Variants in PARD3B observed in about 807,000 individuals in gnomAD.
The protein encoded by PARD3B is par-3 family cell polarity regulator beta.
Under a neutral mutation model 130.2 loss-of-function variants are expected in PARD3B, and 103 were observed. The observed-to-expected ratio is 0.79, with a 90% CI of 0.67 to 0.93. PARD3B has a LOEUF of 0.93. Ranked by LOEUF, PARD3B falls within the 40% of genes least tolerant of loss-of-function variation. PARD3B has a pLI of 0.00. For missense variants in PARD3B, 1,609 were observed against 1,499.2 expected, an observed-to-expected ratio of 1.07 and a Z score of -1.21; for synonymous variants, 583 against 553.2, an observed-to-expected ratio of 1.05 and a Z score of -0.76.
intron 2 of PARD3B, among the ~76,000 whole-genome samples, chr2:204,955,978 A>T (rs1270602864): frequency 1.3e-5 from 2 of 152,114 alleles, no homozygotes; most frequent in African/African-American, 4.8e-5. Context: ...GAAGAACTTG[A>T]AGCTGGGCCA....
intron 4 of PARD3B, among the ~76,000 whole-genome samples, chr2:205,080,960 A>G (rs1701370422): frequency 6.6e-6 from 1 of 151,970 alleles, no homozygotes; most frequent in Non-Finnish European, 1.5e-5. Flanking sequence ...CCATAATTGT[A>G]TTGGATTTCA....
At chr2:205,237,138 C>T (rs1353963695) in intron 15 of PARD3B, among the ~76,000 whole-genome samples, 1 of 152,106 alleles carries the variant, frequency 6.6e-6, no homozygotes, top group Non-Finnish European at 1.5e-5. Flanking sequence ...TTGCCCTTGT[C>T]GTCCAGGCTA....
At chr2:205,412,369 T>C (rs925813396) in intron 19 of PARD3B, among the ~76,000 whole-genome samples, 1 of 152,186 alleles carries the variant, frequency 6.6e-6, no homozygotes, top group African/African-American at 2.4e-5. Flanking sequence ...CCCTCAACCA[T>C]ATTAAACAAC....
In PARD3B at chr2:205,358,612, T is replaced by C. The variant is rs561952897; in HGVS notation, c.2631-42401T>C. Among the ~76,000 whole-genome samples, 20 of 152,322 alleles carry C rather than the reference T, an allele frequency of 1.3e-4. No homozygotes were observed. In the South Asian group the frequency reaches 2.1e-3, roughly 16 times the overall value. ...TCTAAACATACGCTAACAATTCCTTTTATTGTCCTCTGCATTTTTCTCAAG... is the reference window on the plus strand; with the variant it reads ...TCTAAACATACGCTAACAATTCCTTCTATTGTCCTCTGCATTTTTCTCAAG... On this transcript the variant is annotated intron_variant, in intron 18 of 22. Coordinates refer to ENST00000406610, the MANE Select transcript of PARD3B (RefSeq NM_001302769.2).
chr2:204,929,783 T>G (rs1342785808), intron 2 of PARD3B, among the ~76,000 whole-genome samples: 1 of 152,002 alleles, frequency 6.6e-6, no homozygotes, highest in Non-Finnish European at 1.5e-5. Context: ...AAAAAAGTGT[T>G]GTTTTAGAAT....
intron 2 of PARD3B, among the ~76,000 whole-genome samples, chr2:204,753,443 A>G (rs1280996013): frequency 6.6e-6 from 1 of 152,146 alleles, no homozygotes; most frequent in Non-Finnish European, 1.5e-5. Flanking sequence ...TATAGTTACT[A>G]GAAAAAATTT....
At chr2:204,621,095 A>C (rs1446596630) in intron 1 of PARD3B, among the ~76,000 whole-genome samples, 1 of 152,146 alleles carries the variant, frequency 6.6e-6, no homozygotes, top group Admixed American at 6.5e-5. Flanking sequence ...AGGAATTCTA[A>C]CTTCAGTAGC....
chr2:205,457,870 C>T (rs541702619), intron 20 of PARD3B, among the ~76,000 whole-genome samples: 9 of 152,200 alleles, frequency 5.9e-5, no homozygotes, highest in African/African-American at 1.7e-4. Context: ...TGAGCACTGA[C>T]ATTATGTTCA....
At chr2:204,628,479 A>G (rs576253510) in intron 1 of PARD3B, among the ~76,000 whole-genome samples, 4 of 152,232 alleles carry the variant, frequency 2.6e-5, no homozygotes, top group African/African-American at 9.6e-5. Context: ...CTTTTCAATG[A>G]TTTTGAAATT....
intron 2 of PARD3B, among the ~76,000 whole-genome samples, chr2:204,747,939 G>T (rs913882556): frequency 2.0e-5 from 3 of 152,044 alleles, no homozygotes; most frequent in African/African-American, 7.2e-5. Flanking sequence ...CAAGCATGAA[G>T]AAACAAAAAT....
At chr2:204,946,952 A>G (rs1689377111) in intron 2 of PARD3B, among the ~76,000 whole-genome samples, 1 of 152,210 alleles carries the variant, frequency 6.6e-6, no homozygotes, top group South Asian at 2.1e-4. Context: ...GGCAGCAGAG[A>G]CAGATTCTTT....
rs188793989 is a variant in PARD3B, at chr2:205,247,348, A to G, written c.2185+1526A>G. Among the ~76,000 whole-genome samples the G allele has an allele frequency of 2.0e-3, 312 of 152,310 alleles. 2 individuals carry two copies. The highest frequency in any genetic ancestry group is 6.7e-3 in the African/African-American group (280 of 41,578). Reference sequence around the variant, plus strand: ...GCCATAACATTTTATGTAAATTTCAATGATCTGTCTTTACATAGTATGATA... The same window carrying G: ...GCCATAACATTTTATGTAAATTTCAGTGATCTGTCTTTACATAGTATGATA... On this transcript the variant is annotated intron_variant, in intron 16 of 22. Coordinates refer to ENST00000406610, the MANE Select transcript of PARD3B (RefSeq NM_001302769.2).
chr2:205,144,061 G>A (rs1471086424), intron 10 of PARD3B, among the ~76,000 whole-genome samples: 1 of 152,188 alleles, frequency 6.6e-6, no homozygotes, highest in Non-Finnish European at 1.5e-5. Flanking sequence ...ATAGCCCCAT[G>A]GTGTTTGGAG....
At position 205,176,334 on chromosome 2, in the gene PARD3B, A is replaced by C; in HGVS notation, c.1792-111A>C. 9.1e-7 allele frequency: 1 copy of C among 1,099,806 alleles called. No homozygotes were observed. The highest frequency in any genetic ancestry group is 1.8e-5 in the South Asian group (1 of 56,804). The allele number at this position is 1,099,806 out of a possible 1,614,324, so 68.1% of individuals were successfully genotyped here. A position where few individuals can be genotyped will look rare whatever the true frequency, so the allele number is the denominator to read the frequency against. ...TTTCCACAGTTGAGGACTTAAGTGT[A>C]ATAGACTCTTGAAAGACTATTCATA... On this transcript the variant is annotated intron_variant, in intron 12 of 22. Transcript: ENST00000406610. The surrounding 1 kb of genome is among the most constrained non-coding windows in gnomAD (Gnocchi z 5.3).
chr2:204,756,941 T>C (rs1490659505), intron 2 of PARD3B, among the ~76,000 whole-genome samples: 2 of 152,046 alleles, frequency 1.3e-5, no homozygotes, highest in South Asian at 4.2e-4. Flanking sequence ...TGGAATCTCG[T>C]GTTTATTGTT....
chr2:204,684,028 G>C (rs749990756), intron 1 of PARD3B, among the ~76,000 whole-genome samples: 10 of 152,106 alleles, frequency 6.6e-5, no homozygotes, highest in Non-Finnish European at 1.3e-4. Context: ...CCATTTGTTT[G>C]ATATTCCCTT....
intron 2 of PARD3B, among the ~76,000 whole-genome samples, chr2:204,852,253 A>T (rs967852133): frequency 6.6e-6 from 1 of 151,766 alleles, no homozygotes; most frequent in African/African-American, 2.4e-5. Context: ...AGTGGAGTTC[A>T]GTGCTCTTTA....
intron 20 of PARD3B, among the ~76,000 whole-genome samples, chr2:205,476,183 G>A (rs118007436): frequency 1.1e-4 from 17 of 152,226 alleles, no homozygotes; most frequent in East Asian, 3.9e-4. Context: ...AAGAACAGTC[G>A]TCAATTAGCT....
At chr2:205,457,765 T>G (rs940375454) in intron 20 of PARD3B, among the ~76,000 whole-genome samples, 2 of 152,120 alleles carry the variant, frequency 1.3e-5, no homozygotes, top group Non-Finnish European at 2.9e-5. Context: ...TTTATCAAAG[T>G]TTGTTGTCAG....
Sources: allele counts gnomAD v4.1 joint callset (sites outside exome capture counted in the v4.1 genomes callset), GRCh38; gene constraint gnomAD v4.1.1; non-coding constraint Gnocchi (gnomAD v3.1); transcripts MANE v1.5; gene names NCBI Gene and HGNC (gene_info 2026-07-23, HGNC 2026-07-21).